Variants in MYO3B observed in about 807,000 individuals in gnomAD.
The protein encoded by MYO3B is myosin-IIIb.
MYO3B carries 156 observed loss-of-function variants against 174.6 expected under a neutral mutation model. The ratio of observed to expected loss-of-function variants is 0.89; its 90% CI spans 0.78 to 1.02. The LOEUF (loss-of-function observed/expected upper bound fraction) is 1.02. Among genes scored for constraint, MYO3B ranks in the 50% least tolerant of loss-of-function variants. The pLI, the probability that MYO3B is intolerant of heterozygous loss-of-function variation, is 0.00. For synonymous variants in MYO3B, 563 were observed against 569.1 expected (o/e 0.99, Z 0.15); for missense variants, 1,632 against 1,639.4 (o/e 1.00, Z 0.08).
rs140242830 is a variant in MYO3B, at chr2:170,309,656, T to G, written c.750-25729T>G. Among the ~76,000 whole-genome samples the G allele has an allele frequency of 3.4e-3, 521 of 152,328 alleles. 5 individuals are homozygous for G. The highest frequency in any genetic ancestry group is 0.011 in the African/African-American group (464 of 41,566). ...CAGTCCAGTGCCTGCTCCATGGTGC[T>G]AGTTCTGCACTGAACCTTTCCCTAT... is the stretch of plus-strand genomic sequence containing the variant. On this transcript the variant is annotated intron_variant, in intron 7 of 34. Coordinates refer to ENST00000408978, the MANE Select transcript of MYO3B (RefSeq NM_138995.5).
At chr2:170,266,292 TAA>T (rs1194738191) in intron 7 of MYO3B, among the ~76,000 whole-genome samples, 1 of 152,178 alleles carries the variant, frequency 6.6e-6, no homozygotes, top group Non-Finnish European at 1.5e-5. Context: ...ACCTTGCCCA[TAA>T]AACTAAACAG....
At chr2:170,220,263 C>CA (rs2092881106) in intron 6 of MYO3B, among the ~76,000 whole-genome samples, 1 of 30,164 alleles carries the variant, frequency 3.3e-5, no homozygotes, top group Non-Finnish European at 6.4e-5. Context: ...GTCTCAAAAA[C>CA]AAAACAAAAC....
intron 7 of MYO3B, among the ~76,000 whole-genome samples, chr2:170,277,387 T>C (rs915165964): frequency 5.9e-5 from 9 of 152,348 alleles, no homozygotes; most frequent in African/African-American, 2.2e-4. Context: ...TCAACATCTA[T>C]GGCTGGCGCA....
At chr2:170,403,107 A>C (rs545746181) in intron 19 of MYO3B, 112 bp downstream of exon 19, 23 of 1,043,956 alleles carry the variant, frequency 2.2e-5, no homozygotes, top group Middle Eastern at 4.4e-4. Flanking sequence ...CCTAGAGAGA[A>C]AATAGGGTAA....
At chr2:170,554,507 G>T (rs549354988) in intron 32 of MYO3B, among the ~76,000 whole-genome samples, 1 of 152,184 alleles carries the variant, frequency 6.6e-6, no homozygotes, top group African/African-American at 2.4e-5. Context: ...GATACAAGCC[G>T]CAGAGGTCAC....
rs71415204 is a variant in MYO3B, at chr2:170,275,911, A to G, written c.749+39775A>G. On this transcript the variant is annotated intron_variant, in intron 7 of 34. Coordinates refer to ENST00000408978, the MANE Select transcript of MYO3B (RefSeq NM_138995.5). ...CTGCATATAGTTATAGTGGTTGTGG[A>G]CCTTTAAATATTCTCCATCAGTTAT... Among the ~76,000 whole-genome samples, 623 of 152,280 alleles carry G rather than the reference A, an allele frequency of 4.1e-3. 4 individuals carry two copies. Among genetic ancestry groups the G allele is most frequent in the Non-Finnish European group, 4.7e-3 (318 of 68,016 alleles).
chr2:170,213,662 TG>T, intron 3 of MYO3B, among the ~76,000 whole-genome samples: 1 of 130,048 alleles, frequency 7.7e-6, no homozygotes, highest in South Asian at 2.6e-4. Flanking sequence ...AACTGCTTTA[TG>T]TGCTCAAACT....
chr2:170,297,845 C>T (rs920451086), intron 7 of MYO3B, among the ~76,000 whole-genome samples: 4 of 152,140 alleles, frequency 2.6e-5, no homozygotes, highest in Non-Finnish European at 4.4e-5. Flanking sequence ...ATGATTAGTA[C>T]AGCAGCGATA....
intron 8 of MYO3B, among the ~76,000 whole-genome samples, chr2:170,349,208 G>A (rs754650480): frequency 6.6e-6 from 1 of 152,130 alleles, no homozygotes; most frequent in Non-Finnish European, 1.5e-5. Flanking sequence ...TGCTTCCCCT[G>A]ACTTCCCCAG....
intron 14 of MYO3B, among the ~76,000 whole-genome samples, chr2:170,388,230 G>C (rs907900506): frequency 6.6e-6 from 1 of 152,032 alleles, no homozygotes; most frequent in East Asian, 1.9e-4. Flanking sequence ...TTGTATTCAC[G>C]GGGCTTAGAG....
chr2:170,244,231 G>T (rs2093166485), intron 7 of MYO3B, among the ~76,000 whole-genome samples: 1 of 152,076 alleles, frequency 6.6e-6, no homozygotes, highest in Middle Eastern at 3.2e-3. Flanking sequence ...CTTCTCCAGG[G>T]TTCTAGAAAT....
At chr2:170,288,452 G>C (rs1223574165) in intron 7 of MYO3B, among the ~76,000 whole-genome samples, 1 of 151,816 alleles carries the variant, frequency 6.6e-6, no homozygotes, top group Non-Finnish European at 1.5e-5. Context: ...TCTTTAGTTA[G>C]ATTGATTCCT....
intron 8 of MYO3B, among the ~76,000 whole-genome samples, chr2:170,361,571 TTA>T (rs1206794337): frequency 6.6e-6 from 1 of 152,214 alleles, no homozygotes; most frequent in Non-Finnish European, 1.5e-5. Context: ...AAAGCGTAGC[TTA>T]AACATAAGAA....
In MYO3B at chr2:170,398,426, T is replaced by G. The variant is rs536859856; in HGVS notation, c.1792-1762T>G. On this transcript the variant is annotated intron_variant, in intron 16 of 34. Coordinates refer to ENST00000408978, the MANE Select transcript of MYO3B (RefSeq NM_138995.5). ...GGGTTTTTACGGAGGTTCCATTATA[T>G]TCACATGATTGGTTAATCATTGACC... 2.6e-5 allele frequency among the ~76,000 whole-genome samples: 4 copies of G among 152,230 alleles called. No individual in the cohort carries two copies. In the South Asian group the frequency reaches 6.2e-4, roughly 24 times the overall value.
At chr2:170,559,281 T>C (rs1324949538) in intron 32 of MYO3B, among the ~76,000 whole-genome samples, 1 of 152,340 alleles carries the variant, frequency 6.6e-6, no homozygotes. Context: ...GCTTCTTAAA[T>C]GTATTCTCCT....
intron 22 of MYO3B, among the ~76,000 whole-genome samples, chr2:170,419,007 TTGTC>T (rs1228046306): frequency 6.6e-6 from 1 of 152,180 alleles, no homozygotes; most frequent in Non-Finnish European, 1.5e-5. Flanking sequence ...AGCCCCACCA[TTGTC>T]TGAGGACATA....
chr2:170,219,908 G>C (rs76531662), intron 6 of MYO3B, among the ~76,000 whole-genome samples: 4 of 152,280 alleles, frequency 2.6e-5, no homozygotes, highest in African/African-American at 7.2e-5. Flanking sequence ...ATATAATTAA[G>C]AGAAGCATTT....
intron 32 of MYO3B, chr2:170,602,141 T>C: frequency 8.0e-7 from 1 of 1,254,330 alleles, no homozygotes; most frequent in Admixed American, 1.7e-5. Context: ...TCTGGGTGCT[T>C]CTTCTTACAC....
At chr2:170,318,367 C>G (rs1313926207) in intron 7 of MYO3B, among the ~76,000 whole-genome samples, 1 of 152,122 alleles carries the variant, frequency 6.6e-6, no homozygotes, top group Non-Finnish European at 1.5e-5. Context: ...TAAATTATTC[C>G]ACTGACACAC....
Sources: allele counts gnomAD v4.1 joint callset (sites outside exome capture counted in the v4.1 genomes callset), GRCh38; gene constraint gnomAD v4.1.1; transcripts MANE v1.5; gene names NCBI Gene and HGNC (gene_info 2026-07-23, HGNC 2026-07-21).